The following C16orf87 variants were observed in gnomAD, a reference collection of about 807,000 sequenced individuals.
C16orf87 encodes UPF0547 protein C16orf87.
Under a neutral mutation model 21.0 loss-of-function variants are expected in C16orf87, and 13 were observed. The ratio of observed to expected loss-of-function variants is 0.62; its 90% confidence interval spans 0.40 to 0.98. The LOEUF (loss-of-function observed/expected upper bound fraction) is 0.98, where lower values mean the gene tolerates loss of function less well. C16orf87 is among the 50% of genes least tolerant of loss of function. The probability of loss-of-function intolerance (pLI) is 0.00; values close to 1 mark genes in which losing one functional copy is unlikely to be tolerated. For synonymous variants in C16orf87, 49 were observed against 60.2 expected (o/e 0.81, Z 0.86); for missense variants, 113 against 180.4 (o/e 0.63, Z 2.14).
intron 2 of C16orf87, among the ~76,000 whole-genome samples, chr16:46,821,734 T>C (rs1959422378): frequency 6.6e-6 from 1 of 152,186 alleles, no homozygotes; most frequent in South Asian, 2.1e-4. Flanking sequence ...TGCCTTCCTC[T>C]TCCTAACTTA....
intron 3 of C16orf87, among the ~76,000 whole-genome samples, chr16:46,807,216 G>C (rs1296310942): frequency 6.6e-6 from 1 of 152,176 alleles, no homozygotes; most frequent in East Asian, 1.9e-4. Flanking sequence ...CAAGCTGAAA[G>C]GATCCCTTGA....
At chr16:46,828,485 T>C (rs1387203907) in intron 1 of C16orf87, among the ~76,000 whole-genome samples, 1 of 151,974 alleles carries the variant, frequency 6.6e-6, no homozygotes, top group Non-Finnish European at 1.5e-5. Flanking sequence ...TAATTTTGAG[T>C]GATTGATGGA....
In C16orf87 at chr16:46,799,759, GAT is replaced by G. The variant is rs964326249; in HGVS notation, c.*3191_*3192del. 2.0e-5 allele frequency: 3 copies of G among 152,210 alleles called. No homozygotes were observed. Among genetic ancestry groups the G allele is most frequent in the African/African-American group, 7.2e-5 (3 of 41,438 alleles). The allele number at this position is 152,210 out of a possible 1,614,324, so 9.4% of individuals were successfully genotyped here. The stretch of plus-strand genomic sequence containing the variant: ...CAGCCTCGAACTCCTGGGCTCAAGT[GAT>G]CCTTTAGCCTCAGCTGCCTAGTAGC... On this transcript the variant is annotated 3_prime_UTR_variant, in exon 4 of 4. Transcript: ENST00000285697.
At chr16:46,830,095 G>A (rs1211020640) in intron 1 of C16orf87, among the ~76,000 whole-genome samples, 1 of 152,116 alleles carries the variant, frequency 6.6e-6, no homozygotes, top group African/African-American at 2.4e-5. Context: ...TAGATGTTAA[G>A]GCTTAAAGGA....
intron 2 of C16orf87, among the ~76,000 whole-genome samples, chr16:46,818,888 T>G (rs1279315155): frequency 6.6e-6 from 1 of 152,156 alleles, no homozygotes; most frequent in Non-Finnish European, 1.5e-5. Flanking sequence ...TAAGGCAATC[T>G]CACACTTCAG....
intron 2 of C16orf87, among the ~76,000 whole-genome samples, chr16:46,818,270 CTCAA>C (rs1959275800): frequency 6.6e-6 from 1 of 152,198 alleles, no homozygotes; most frequent in Non-Finnish European, 1.5e-5. Context: ...TGAATTAATA[CTCAA>C]TCACTTTGGA....
In C16orf87 at chr16:46,824,527, T is replaced by C. The variant is rs1293424955; in HGVS notation, c.67-45A>G. ...ATATATATTATTACTATTTTTCTAT[T>C]GTTAAATTTCTCAGTGTCTATGTGG... is the stretch of plus-strand genomic sequence containing the variant. On this transcript the variant is annotated intron_variant, in intron 1 of 3. Transcript: ENST00000285697. 5 of 844,944 alleles carry C rather than the reference T, an allele frequency of 5.9e-6. No homozygotes were observed. The African/African-American group carries it at 7.0e-5, about 12-fold the overall frequency. 52.3% of individuals were successfully genotyped at this position (844,944 alleles called of 1,614,324 possible).
chr16:46,828,530 TTAAGA>T (rs1959714453), intron 1 of C16orf87, among the ~76,000 whole-genome samples: 1 of 152,162 alleles, frequency 6.6e-6, no homozygotes, highest in African/African-American at 2.4e-5. Context: ...GGACTGTGGT[TTAAGA>T]TGTTTTAGAA....
At chr16:46,824,014 T>C (rs1226030674) in intron 2 of C16orf87, among the ~76,000 whole-genome samples, 2 of 152,252 alleles carry the variant, frequency 1.3e-5, no homozygotes. Flanking sequence ...TATATACATA[T>C]GTCAAAACTT....
chr16:46,798,925 T>G lies in C16orf87; in HGVS notation c.*4027A>C, dbSNP rs538572902. The G allele has an allele frequency of 1.3e-5, 2 of 152,282 alleles. No individual in the cohort carries two copies. Among genetic ancestry groups the G allele is most frequent in the Admixed American group, 1.3e-4 (2 of 15,298 alleles). The allele number at this position is 152,282 out of a possible 1,614,324, so 9.4% of individuals were successfully genotyped here. On this transcript the variant is annotated 3_prime_UTR_variant, in exon 4 of 4. Coordinates refer to ENST00000285697, the MANE Select transcript of C16orf87 (RefSeq NM_001001436.4). Reference sequence around the variant, plus strand: ...TACCCTCAATCTACTAAAGGGTATTTTTTCAAGCCCACAACAACAACAAAG... The same window carrying G: ...TACCCTCAATCTACTAAAGGGTATTGTTTCAAGCCCACAACAACAACAAAG...
In C16orf87 at chr16:46,800,125, G is replaced by A. The variant is rs1967728391; in HGVS notation, c.*2827C>T. On this transcript the variant is annotated 3_prime_UTR_variant, in exon 4 of 4. Coordinates refer to ENST00000285697, the MANE Select transcript of C16orf87 (RefSeq NM_001001436.4). ...TTTTCAATTTGAAATCTTATCTGAG[G>A]GAGAACACTATCTGATTACTTTTAG... The A allele has an allele frequency of 6.6e-6, 1 of 151,692 alleles. No individual in the cohort carries two copies. Among genetic ancestry groups the A allele is most frequent in the Non-Finnish European group, 1.5e-5 (1 of 67,984 alleles). 9.4% of individuals were successfully genotyped at this position (151,692 alleles called of 1,614,324 possible). A position where few individuals can be genotyped will look rare whatever the true frequency, so the allele number is the denominator to read the frequency against.
intron 3 of C16orf87, among the ~76,000 whole-genome samples, chr16:46,806,495 A>G (rs438097): frequency 0.99 from 149,946 of 152,198 alleles, 73,893 homozygotes; most frequent in East Asian, 1. Flanking sequence ...TCTTGACCTC[A>G]TGATCCACCA....
chr16:46,819,099 T>A (rs1959308227), intron 2 of C16orf87, among the ~76,000 whole-genome samples: 1 of 152,232 alleles, frequency 6.6e-6, no homozygotes, highest in Admixed American at 6.5e-5. Flanking sequence ...TTTGAGCCCC[T>A]ATGCTCCAAG....
chr16:46,814,403 C>T (rs1968182275), intron 2 of C16orf87, among the ~76,000 whole-genome samples: 1 of 152,156 alleles, frequency 6.6e-6, no homozygotes. Context: ...AGGAACAGAG[C>T]AATGTGCAAG....
At chr16:46,827,914 C>G (rs1596830873) in intron 1 of C16orf87, among the ~76,000 whole-genome samples, 3 of 147,596 alleles carry the variant, frequency 2.0e-5, no homozygotes, top group African/African-American at 7.5e-5. Context: ...AAAAAAAAAT[C>G]TGGTCCTATA....
intron 1 of C16orf87, chr16:46,830,775 G>A (rs1959825535): frequency 3.7e-6 from 1 of 267,750 alleles, no homozygotes; most frequent in South Asian, 1.6e-4. Flanking sequence ...CCGCCGGCGA[G>A]GAGAGTCTGG....
chr16:46,814,922 C>A (rs1968195159), intron 2 of C16orf87, among the ~76,000 whole-genome samples: 3 of 152,122 alleles, frequency 2.0e-5, no homozygotes, highest in Admixed American at 2.0e-4. Flanking sequence ...GTAGCCAAAA[C>A]AATCTTGAAA....
chr16:46,806,210 G>A (rs1967922638), intron 3 of C16orf87, among the ~76,000 whole-genome samples: 1 of 150,850 alleles, frequency 6.6e-6, no homozygotes, highest in Admixed American at 6.6e-5. Flanking sequence ...TTTAGAGCTA[G>A]ATGTGTTTCT....
At chr16:46,824,011 A>T (rs1044029460) in intron 2 of C16orf87, among the ~76,000 whole-genome samples, 3 of 152,356 alleles carry the variant, frequency 2.0e-5, no homozygotes, top group Middle Eastern at 6.8e-3. Flanking sequence ...TGGTATATAC[A>T]TATGTCAAAA....
Sources: allele counts gnomAD v4.1 joint callset (sites outside exome capture counted in the v4.1 genomes callset), GRCh38; gene constraint gnomAD v4.1.1; transcripts MANE v1.5; gene names NCBI Gene and HGNC (gene_info 2026-07-23, HGNC 2026-07-21).